The following HMGN5 variants were observed in gnomAD, a reference collection of about 807,000 sequenced individuals.
HMGN5 encodes the protein high mobility group nucleosome binding domain 5.
HMGN5 carries 4 observed loss-of-function variants against 9.5 expected under a neutral mutation model. The observed-to-expected ratio is 0.42, with a 90% CI of 0.21 to 0.96. The LOEUF is 0.96. Among genes scored for constraint, HMGN5 ranks in the 40% least tolerant of loss-of-function variants. The pLI, the probability that HMGN5 is intolerant of heterozygous loss-of-function variation, is 0.30. For missense variants in HMGN5, 192 were observed against 187.5 expected (o/e 1.02, Z -0.14); for synonymous variants, 55 against 57.1 (o/e 0.96, Z 0.16).
intron 1 of HMGN5, among the ~76,000 whole-genome samples, chrX:81,151,406 G>C (rs2075361947): frequency 9.0e-6 from 1 of 111,199 alleles, no homozygotes; most frequent in Non-Finnish European, 1.9e-5. Context: ...TGTTCTTTTG[G>C]CTTAGGATTG....
At chrX:81,162,885 C>A (rs1243056946) in intron 1 of HMGN5, among the ~76,000 whole-genome samples, 1 of 111,137 alleles carries the variant, frequency 9.0e-6, no homozygotes, top group Non-Finnish European at 1.9e-5. Flanking sequence ...CAGATTATAG[C>A]AAATTGTAGT....
At chrX:81,161,910 GC>G in intron 1 of HMGN5, among the ~76,000 whole-genome samples, 2 of 109,545 alleles carry the variant, frequency 1.8e-5, no homozygotes, top group African/African-American at 7.0e-5. Flanking sequence ...TATAAAGAAT[GC>G]AGTACTTGGT....
At chrX:81,188,262 A>ATT (rs2075483024) in intron 1 of HMGN5, among the ~76,000 whole-genome samples, 1 of 46,206 alleles carries the variant, frequency 2.2e-5, no homozygotes, top group Non-Finnish European at 4.1e-5. Context: ...CTGTGCACAG[A>ATT]ATATTATTAT....
chrX:81,127,131 G>GA (rs912685558), intron 1 of HMGN5, among the ~76,000 whole-genome samples: 3 of 111,783 alleles, frequency 2.7e-5, no homozygotes, highest in African/African-American at 6.5e-5. Flanking sequence ...GTGGCACATT[G>GA]AAAAAATGAC....
At position 81,141,943 on chromosome X, in the gene HMGN5, C is replaced by T. The variant is rs142829138; in HGVS notation, c.-123-20271G>A. Among the ~76,000 whole-genome samples, 759 of 111,630 alleles carry T rather than the reference C, an allele frequency of 6.8e-3. 5 individuals carry two copies. The highest frequency in any genetic ancestry group is 0.023 in the African/African-American group (719 of 30,693). ...CAAAATAGTAGCTGTGTTGAGGAAG[C>T]CAAAGAAATTTAAGATAACACAGAG... On this transcript the variant is annotated intron_variant, in intron 1 of 6. Transcript: ENST00000358130.
chrX:81,175,410 T>C (rs1024873705), intron 1 of HMGN5, among the ~76,000 whole-genome samples: 13 of 111,439 alleles, frequency 1.2e-4, no homozygotes, highest in Non-Finnish European at 2.1e-4. Context: ...GCCTATGAAA[T>C]ATAGTTTTGG....
chrX:81,182,542 G>A (rs1331386791), intron 1 of HMGN5, among the ~76,000 whole-genome samples: 4 of 111,518 alleles, frequency 3.6e-5, no homozygotes, highest in Non-Finnish European at 7.5e-5. Context: ...TTGTTTAAAA[G>A]TGTGTGGCAC....
At chrX:81,201,054 A>G (rs746870999) in intron 1 of HMGN5, among the ~76,000 whole-genome samples, 13 of 111,152 alleles carry the variant, frequency 1.2e-4, no homozygotes, top group Admixed American at 6.7e-4. Context: ...CAGATTGGAG[A>G]AGGGAAAACC....
intron 1 of HMGN5, among the ~76,000 whole-genome samples, chrX:81,171,354 T>C (rs1602576598): frequency 9.0e-6 from 1 of 111,659 alleles, no homozygotes; most frequent in Non-Finnish European, 1.9e-5. Flanking sequence ...AAACTTTTGA[T>C]TTTTATAAAT....
chrX:81,198,153 T>C (rs1285273670), intron 1 of HMGN5, among the ~76,000 whole-genome samples: 2 of 111,682 alleles, frequency 1.8e-5, no homozygotes, highest in Non-Finnish European at 3.8e-5. Flanking sequence ...AGTAAGATTG[T>C]ATGAATAGTG....
chrX:81,172,922 G>C (rs1190369218), intron 1 of HMGN5, among the ~76,000 whole-genome samples: 3 of 110,994 alleles, frequency 2.7e-5, no homozygotes, highest in Non-Finnish European at 5.7e-5. Context: ...ACTTCAGGAA[G>C]TAAGCACTCT....
intron 1 of HMGN5, among the ~76,000 whole-genome samples, chrX:81,164,994 T>C (rs1271697169): frequency 9.0e-6 from 1 of 111,464 alleles, no homozygotes; most frequent in Non-Finnish European, 1.9e-5. Flanking sequence ...GAGAGGTGCT[T>C]AATGTGAAAT....
intron 1 of HMGN5, among the ~76,000 whole-genome samples, chrX:81,183,910 T>G (rs775003816): frequency 8.9e-6 from 1 of 112,270 alleles, no homozygotes; most frequent in African/African-American, 3.2e-5. Flanking sequence ...AACTAACTTG[T>G]TTTTTATTTT....
intron 1 of HMGN5, among the ~76,000 whole-genome samples, chrX:81,161,050 A>G (rs974903236): frequency 9.2e-6 from 1 of 109,065 alleles, no homozygotes; most frequent in Non-Finnish European, 1.9e-5. Flanking sequence ...ACCCCATGTC[A>G]TCCTGGATGG....
intron 1 of HMGN5, among the ~76,000 whole-genome samples, chrX:81,151,491 A>G (rs919185159): frequency 1.2e-4 from 13 of 109,900 alleles, no homozygotes; most frequent in Non-Finnish European, 2.5e-4. Flanking sequence ...GAAGAAAGTC[A>G]TTGGTAGCTT....
chrX:81,115,005 C>T lies in HMGN5; in HGVS notation c.493G>A (p.Glu165Lys). Residue 165 changes from glutamate to lysine, a missense_variant, in exon 7 of 7, where the codon GAG becomes AAG. By Grantham distance (56) the Glu-to-Lys change is moderately conservative (BLOSUM62 1). Transcript: ENST00000358130. The stretch of plus-strand genomic sequence containing the variant: ...TTCTCTTTTGCATCTTCTCCTTTCT[C>T]ATTTCCATTTTTATCCTCTTTTCCA... ...EDGKEDKNGN[E>K]KGEDAKEKED... 1.7e-6 allele frequency: 2 copies of T among 1,152,307 alleles called. No individual in the cohort carries two copies. Among genetic ancestry groups the T allele is most frequent in the African/African-American group, 1.8e-5 (1 of 55,062 alleles). 95.0% of individuals were successfully genotyped at this position (1,152,307 alleles called of 1,213,427 possible).
At chrX:81,147,931 T>G (rs1484637593) in intron 1 of HMGN5, among the ~76,000 whole-genome samples, 1 of 111,543 alleles carries the variant, frequency 9.0e-6, no homozygotes, top group Non-Finnish European at 1.9e-5. Context: ...ACAGGGGATG[T>G]GAAGGACCTG....
chrX:81,152,129 C>A (rs937857718), intron 1 of HMGN5, among the ~76,000 whole-genome samples: 9 of 111,461 alleles, frequency 8.1e-5, no homozygotes, highest in African/African-American at 2.3e-4. Context: ...GCAACAAAAG[C>A]CAAAATTCAC....
chrX:81,174,937 A>G (rs1419240404), intron 1 of HMGN5, among the ~76,000 whole-genome samples: 1 of 111,355 alleles, frequency 9.0e-6, no homozygotes, highest in Non-Finnish European at 1.9e-5. Flanking sequence ...TCTTGTCATA[A>G]TTCTCAAGCT....
Sources: allele counts gnomAD v4.1 joint callset (sites outside exome capture counted in the v4.1 genomes callset), GRCh38; gene constraint gnomAD v4.1.1; transcripts MANE v1.5; gene names NCBI Gene and HGNC (gene_info 2026-07-23, HGNC 2026-07-21).